The following ELMO1 variants were observed in gnomAD, a reference collection of about 807,000 sequenced individuals.
ELMO1 encodes the protein engulfment and cell motility protein 1.
In ELMO1, 26 loss-of-function variants were observed where a neutral mutation model predicts 98.9. The ratio of observed to expected loss-of-function variants is 0.26; its 90% CI spans 0.19 to 0.36. The LOEUF (loss-of-function observed/expected upper bound fraction) is 0.36. Ranked by LOEUF, ELMO1 falls within the 10% of genes least tolerant of loss-of-function variation. The pLI is 1.00. For synonymous variants in ELMO1, 346 were observed against 346.0 expected, an observed-to-expected ratio of 1.00 and a Z score of 0.00; for missense variants, 627 against 935.2, an observed-to-expected ratio of 0.67 and a Z score of 4.30.
chr7:37,259,572 T>G (rs1795874423), intron 5 of ELMO1, among the ~76,000 whole-genome samples: 1 of 152,166 alleles, frequency 6.6e-6, no homozygotes, highest in African/African-American at 2.4e-5. Context: ...AGTTGCATTC[T>G]TCTCAAAGGA....
chr7:37,355,729 C>G (rs964335390), intron 1 of ELMO1, among the ~76,000 whole-genome samples: 2 of 152,212 alleles, frequency 1.3e-5, no homozygotes, highest in African/African-American at 4.8e-5. Context: ...AGGTCTAGTC[C>G]TCCAGGAAAG....
upstream of ELMO1, chr7:37,449,025 A>G (rs2131610121): frequency 6.6e-6 from 1 of 152,238 alleles, no homozygotes; most frequent in Non-Finnish European, 1.5e-5. Context: ...CGCCCCCGGC[A>G]CCTGCGCCAG....
Position 36,855,298 on chromosome 7 carries a change from C to G in ELMO1, c.*253G>C. ...CTTCTTACTGGCAGTGGGCTTTGCT[C>G]TTGTCCCACCAGTGGACTGCAGCCA... On this transcript the variant is annotated 3_prime_UTR_variant, in exon 22 of 22. Coordinates refer to ENST00000310758, the MANE Select transcript of ELMO1 (RefSeq NM_014800.11). The surrounding 1 kb of genome is among the most constrained non-coding windows in gnomAD (Gnocchi z 4.2). 5.7e-6 allele frequency: 3 copies of G among 522,430 alleles called. No individual in the cohort carries two copies. The highest frequency in any genetic ancestry group is 5.2e-4 in the Middle Eastern group (1 of 1,912). The allele number at this position is 522,430 out of a possible 1,614,324, so 32.4% of individuals were successfully genotyped here. A position where few individuals can be genotyped will look rare whatever the true frequency, so the allele number is the denominator to read the frequency against.
chr7:36,970,777 A>G (rs1737894726), intron 16 of ELMO1, among the ~76,000 whole-genome samples: 1 of 152,214 alleles, frequency 6.6e-6, no homozygotes, highest in African/African-American at 2.4e-5. Context: ...TTACTTAGGT[A>G]TGTGGTTGTG....
intron 6 of ELMO1, among the ~76,000 whole-genome samples, chr7:37,248,628 AGATGTG>A (rs1795148927): frequency 1.3e-5 from 2 of 152,246 alleles, no homozygotes; most frequent in South Asian, 4.1e-4. Flanking sequence ...AGCCTTGGGA[AGATGTG>A]GCAGCCATCA....
chr7:37,140,381 G>A (rs542340071), intron 13 of ELMO1, among the ~76,000 whole-genome samples: 21 of 150,388 alleles, frequency 1.4e-4, no homozygotes, highest in South Asian at 4.2e-4. Flanking sequence ...GTGAGACTCC[G>A]TCTCAAAAAA....
chr7:37,032,001 T>C (rs926045406), intron 15 of ELMO1, among the ~76,000 whole-genome samples: 1 of 152,142 alleles, frequency 6.6e-6, no homozygotes, highest in African/African-American at 2.4e-5. Context: ...GATCATCATA[T>C]TGCACCAGGA....
At chr7:37,389,619 T>C (rs1401840057) in intron 1 of ELMO1, among the ~76,000 whole-genome samples, 1 of 152,054 alleles carries the variant, frequency 6.6e-6, no homozygotes, top group African/African-American at 2.4e-5. Context: ...CCTGCCACAC[T>C]GTGGAGCATG....
intron 16 of ELMO1, chr7:36,919,265 T>A: frequency 2.3e-6 from 1 of 430,042 alleles, no homozygotes; most frequent in Non-Finnish European, 5.1e-6. Context: ...TAATCGTTCA[T>A]GTCTATTACA....
chr7:37,309,633 A>C (rs546377848), intron 4 of ELMO1, among the ~76,000 whole-genome samples: 1 of 152,312 alleles, frequency 6.6e-6, no homozygotes, highest in South Asian at 2.1e-4. Context: ...CCTGGGCGTG[A>C]GTTTGCTCAC....
chr7:37,412,729 T>C (rs1253870246), intron 1 of ELMO1, among the ~76,000 whole-genome samples: 2 of 152,230 alleles, frequency 1.3e-5, no homozygotes, highest in Non-Finnish European at 2.9e-5. Context: ...CTATGCTATG[T>C]GATTTCAAAG....
chr7:37,075,598 G>A (rs1797531213), intron 15 of ELMO1, among the ~76,000 whole-genome samples: 1 of 152,222 alleles, frequency 6.6e-6, no homozygotes, highest in Admixed American at 6.5e-5. Context: ...CTAAAAGGAT[G>A]GACACTGTCC....
intron 2 of ELMO1, among the ~76,000 whole-genome samples, chr7:37,335,612 G>A (rs147340473): frequency 7.2e-5 from 11 of 152,162 alleles, no homozygotes; most frequent in Middle Eastern, 3.4e-3. Flanking sequence ...CAAATCATAC[G>A]CAAATGAAAA....
intron 13 of ELMO1, among the ~76,000 whole-genome samples, chr7:37,204,614 G>A (rs1352483278): frequency 6.6e-6 from 1 of 152,196 alleles, no homozygotes; most frequent in Non-Finnish European, 1.5e-5. Context: ...CAGGTGGCCT[G>A]CTTTTTTTTC....
intron 13 of ELMO1, among the ~76,000 whole-genome samples, chr7:37,172,015 A>C (rs1323642714): frequency 1.3e-5 from 2 of 152,198 alleles, no homozygotes; most frequent in Non-Finnish European, 2.9e-5. Flanking sequence ...AAAATTTGTC[A>C]TTTGGAAGAA....
At chr7:37,118,202 C>T (rs2111036) in intron 14 of ELMO1, among the ~76,000 whole-genome samples, 15 of 152,288 alleles carry the variant, frequency 9.8e-5, no homozygotes, top group African/African-American at 3.4e-4. Context: ...TCCACCAGCA[C>T]CCTGCCTTAA....
intron 1 of ELMO1, among the ~76,000 whole-genome samples, chr7:37,347,046 G>A: frequency 6.6e-6 from 1 of 152,034 alleles, no homozygotes; most frequent in African/African-American, 2.4e-5. Flanking sequence ...GACCTCATCA[G>A]TTTTCCCCAA....
chr7:37,375,947 A>T, intron 1 of ELMO1: 1 of 623,460 alleles, frequency 1.6e-6, no homozygotes, highest in South Asian at 1.7e-5. Flanking sequence ...AAGAAAGTAG[A>T]GGCTGGGGCT....
chr7:37,148,666 T>C (rs539617536), intron 13 of ELMO1, among the ~76,000 whole-genome samples: 1 of 152,320 alleles, frequency 6.6e-6, no homozygotes, highest in South Asian at 2.1e-4. Context: ...AATAATGAAA[T>C]AGTATTGTCA....
Sources: allele counts gnomAD v4.1 joint callset (sites outside exome capture counted in the v4.1 genomes callset), GRCh38; gene constraint gnomAD v4.1.1; non-coding constraint Gnocchi (gnomAD v3.1); transcripts MANE v1.5; gene names NCBI Gene and HGNC (gene_info 2026-07-23, HGNC 2026-07-21).